TBC1D16: variants seen among roughly 807,000 people sequenced by gnomAD.
TBC1D16 encodes the protein CTD-2529O21.1.
In TBC1D16, 58 loss-of-function variants were observed where a neutral mutation model predicts 74.7. The ratio of observed to expected loss-of-function variants is 0.78; its 90% confidence interval spans 0.63 to 0.97. TBC1D16 has a LOEUF of 0.97. Among genes scored for constraint, TBC1D16 ranks in the 50% least tolerant of loss-of-function variants. The pLI, the probability that TBC1D16 is intolerant of heterozygous loss-of-function variation, is 0.00. For missense variants in TBC1D16, 1,014 were observed against 1,079.5 expected (o/e 0.94, Z 0.85); for synonymous variants, 493 against 474.7 (o/e 1.04, Z -0.50).
chr17:80,021,491 T>C (rs2036280282), intron 1 of TBC1D16, among the ~76,000 whole-genome samples: 1 of 149,804 alleles, frequency 6.7e-6, no homozygotes, highest in Non-Finnish European at 1.5e-5. Context: ...GAATTATCTG[T>C]TGGTGTGCTT....
At chr17:79,958,784 C>T (rs955559933) in intron 3 of TBC1D16, among the ~76,000 whole-genome samples, 2 of 152,196 alleles carry the variant, frequency 1.3e-5, no homozygotes, top group Non-Finnish European at 2.9e-5. Flanking sequence ...CCACCGTTAG[C>T]GTCATACTGA....
At position 79,952,654 on chromosome 17, in the gene TBC1D16, T is replaced by A; in HGVS notation, c.941+3A>T. On this transcript the variant is annotated splice_donor_region_variant and intron_variant, in intron 4 of 11. Transcript: ENST00000310924. Reference sequence around the variant, plus strand: ...CCAGGAGGCGCCCAGAGATGCTTCCTACCTGAAGAAAAGGCGGAGGGAGCG... The same window carrying A: ...CCAGGAGGCGCCCAGAGATGCTTCCAACCTGAAGAAAAGGCGGAGGGAGCG... 6.3e-7 allele frequency: 1 copy of A among 1,591,934 alleles called. No individual in the cohort carries two copies. Among genetic ancestry groups the A allele is most frequent in the African/African-American group, 1.3e-5 (1 of 74,682 alleles).
Position 80,013,491 on chromosome 17 carries a change from G to A in TBC1D16, c.57C>T (p.Thr19=). ...RASSKASDLL[T]LTPGGSGSGS... ...CGCTGCCGCTGCCACCGGGGGTGAGGGTCAGGAGGTCCGAGGCTTTGGAGG... is the reference window on the plus strand; with the variant it reads ...CGCTGCCGCTGCCACCGGGGGTGAGAGTCAGGAGGTCCGAGGCTTTGGAGG... The change falls in exon 2 of 12, where the codon ACC becomes ACT. Residue 19 remains threonine (T), a synonymous_variant. Transcript: ENST00000310924. 1.3e-6 allele frequency: 2 copies of A among 1,584,412 alleles called. No homozygotes were observed. The highest frequency in any genetic ancestry group is 1.2e-5 in the South Asian group (1 of 86,790).
At chr17:79,984,659 A>AGG (rs2034753765) in intron 3 of TBC1D16, among the ~76,000 whole-genome samples, 5 of 149,352 alleles carry the variant, frequency 3.3e-5, no homozygotes, top group African/African-American at 2.5e-5. Flanking sequence ...GAAGGAAGGA[A>AGG]AGGAGACAAA....
In TBC1D16 at chr17:79,945,023, C is replaced by T. The variant is rs1257886693; in HGVS notation, c.1793G>A (p.Gly598Asp). ...GAAGAGCATCTGCAGGCCGTCCTCG[C>T]CCAGCGAGACCAGGTGCTGGTAGAA... ...VRFYQHLVSL[G>D]EDGLQMLFCH... Residue 598 changes from glycine (G) to aspartate (D), a missense_variant, in exon 10 of 12, where the codon GGC becomes GAC. Gly to Asp is a moderately conservative substitution (Grantham distance 94). Transcript: ENST00000310924. The T allele has an allele frequency of 4.4e-6, 7 of 1,581,094 alleles. No homozygotes were observed. The highest frequency in any genetic ancestry group is 6.0e-6 in the Non-Finnish European group (7 of 1,164,646).
intron 3 of TBC1D16, among the ~76,000 whole-genome samples, chr17:79,966,894 G>C (rs1262711373): frequency 6.6e-6 from 1 of 152,066 alleles, no homozygotes; most frequent in East Asian, 1.9e-4. Flanking sequence ...TGCATGACTG[G>C]TTCAACATAT....
intron 2 of TBC1D16, among the ~76,000 whole-genome samples, chr17:80,012,125 C>G (rs760596200): frequency 3.9e-5 from 6 of 152,182 alleles, no homozygotes; most frequent in Non-Finnish European, 8.8e-5. Context: ...CTCTACAACT[C>G]AGACCCCTAG....
Position 79,941,002 on chromosome 17 carries a change from G to C in TBC1D16, c.2161C>G (p.Pro721Ala). 1 of 1,607,896 alleles carries C rather than the reference G, an allele frequency of 6.2e-7. No homozygotes were observed. Among genetic ancestry groups the C allele is most frequent in the East Asian group, 2.2e-5 (1 of 44,588 alleles). Residue 721 changes from proline to alanine, a missense_variant, in exon 12 of 12, where the codon CCC becomes GCC. Coordinates refer to ENST00000310924, the MANE Select transcript of TBC1D16 (RefSeq NM_019020.4). This position sits in a 1 kb window ranked among gnomAD's most constrained non-coding sequence, Gnocchi z 4.3. ...TGGTGGCCGGTGCACTCCACCGCGGGCATGGAGCCGCTGTCCCACATGCCT... is the reference window on the plus strand; with the variant it reads ...TGGTGGCCGGTGCACTCCACCGCGGCCATGGAGCCGCTGTCCCACATGCCT... ...GSGMWDSGSM[P>A]AVECTGHHPG...
At chr17:80,026,888 C>T (rs1325933980) in intron 1 of TBC1D16, among the ~76,000 whole-genome samples, 1 of 149,336 alleles carries the variant, frequency 6.7e-6, no homozygotes, top group Non-Finnish European at 1.5e-5. Context: ...TCCAGGTTCC[C>T]TTCTGCGGGC....
rs545490191 is a variant in TBC1D16 at position 79,952,414 on chromosome 17, G to T, written c.941+243C>A. Among the ~76,000 whole-genome samples, 47 of 152,354 alleles carry T rather than the reference G, an allele frequency of 3.1e-4. 1 individual carries two copies. The South Asian group carries it at 7.0e-3, about 23-fold the overall frequency. On this transcript the variant is annotated intron_variant, in intron 4 of 11. Coordinates refer to ENST00000310924, the MANE Select transcript of TBC1D16 (RefSeq NM_019020.4). Reference sequence around the variant, plus strand: ...AAGCCAGAGTTGCAAGCAACCGCTGGCTACCATCACGCTGAAGGTAGGGGA... The same window carrying T: ...AAGCCAGAGTTGCAAGCAACCGCTGTCTACCATCACGCTGAAGGTAGGGGA...
intron 10 of TBC1D16, among the ~76,000 whole-genome samples, chr17:79,943,605 G>A (rs1186574896): frequency 6.9e-6 from 1 of 145,332 alleles, no homozygotes. Context: ...TTGATCGAGG[G>A]ATGGGACCGA....
At chr17:79,964,830 C>T (rs945233215) in intron 3 of TBC1D16, among the ~76,000 whole-genome samples, 2 of 152,108 alleles carry the variant, frequency 1.3e-5, no homozygotes, top group African/African-American at 2.4e-5. Flanking sequence ...AATCCTCACA[C>T]TGTTATGCTG....
Position 79,951,474 on chromosome 17 carries a change from G to A in TBC1D16, c.1065C>T (p.Cys355=), listed in dbSNP as rs754257071. The A allele has an allele frequency of 1.2e-6, 2 of 1,613,902 alleles. No homozygotes were observed. The highest frequency in any genetic ancestry group is 1.7e-6 in the Non-Finnish European group (2 of 1,179,930). ...LSDVFQQWKY[C]TEMQLKDQQV... ...CCTGGTCTTTGAGCTGCATCTCGGTGCAGTATTTCCACTGCTGGAACACGT... is the reference window on the plus strand; with the variant it reads ...CCTGGTCTTTGAGCTGCATCTCGGTACAGTATTTCCACTGCTGGAACACGT... Residue 355 remains cysteine (C), a synonymous_variant, in exon 5 of 12, where the codon TGC becomes TGT. Transcript: ENST00000310924.
Position 79,949,646 on chromosome 17 carries a change from C to CA in TBC1D16, c.1406+70dup. ...ATATTATCAATGCTGAATTGCACCT[C>CA]AAATTGCCTTTTCAAATGACATTTT... On this transcript the variant is annotated intron_variant, in intron 7 of 11. Coordinates refer to ENST00000310924, the MANE Select transcript of TBC1D16 (RefSeq NM_019020.4). 4 of 1,550,562 alleles carry CA rather than the reference C, an allele frequency of 2.6e-6. No homozygotes were observed. In the South Asian group the frequency reaches 4.7e-5, roughly 18 times the overall value.
chr17:79,952,885 G>A, intron 3 of TBC1D16, 67 bp from the exon 4 acceptor site: 4 of 1,529,038 alleles, frequency 2.6e-6, no homozygotes, highest in Non-Finnish European at 3.5e-6. Context: ...AGGGGGACGG[G>A]GGTCATGGGG....
At position 79,971,506 on chromosome 17, in the gene TBC1D16, T is replaced by C. The variant is rs999782583; in HGVS notation, c.780-18688A>G. 2.6e-5 allele frequency among the ~76,000 whole-genome samples: 4 copies of C among 152,194 alleles called. No individual in the cohort carries two copies. The highest frequency in any genetic ancestry group is 9.7e-5 in the African/African-American group (4 of 41,448). Reference sequence around the variant, plus strand: ...CTGGTCAGCAGTTGAGTGACTCTTCTTCCAAAGTTCGTTCTGCAGGTTTAC... The same window carrying C: ...CTGGTCAGCAGTTGAGTGACTCTTCCTCCAAAGTTCGTTCTGCAGGTTTAC... On this transcript the variant is annotated intron_variant, in intron 3 of 11. Transcript: ENST00000310924. The surrounding 1 kb of genome is among the most constrained non-coding windows in gnomAD (Gnocchi z 4.6).
rs2033560938 is a variant in TBC1D16, at chr17:79,960,779, C to CAAAAAAAAAAAAAAACAA, written c.780-7962_780-7961insTTGTTTTTTTTTTTTTTT. On this transcript the variant is annotated intron_variant, in intron 3 of 11. Transcript: ENST00000310924. ...CAAAAAAACCCAAAAAACAAAAACC[C>CAAAAAAAAAAAAAAACAA]AAAAAAAAAAAAAAAAAAAAAAAAA... Among the ~76,000 whole-genome samples the CAAAAAAAAAAAAAAACAA allele has an allele frequency of 1.8e-4, 6 of 33,944 alleles. 1 individual carries two copies. The highest frequency in any genetic ancestry group is 2.2e-4 in the Non-Finnish European group (4 of 18,144). 22.3% of individuals were successfully genotyped at this position (33,944 alleles called of 152,430 possible). A position where few individuals can be genotyped will look rare whatever the true frequency, so the allele number is the denominator to read the frequency against.
At chr17:79,969,048 C>T (rs1175232352) in intron 3 of TBC1D16, among the ~76,000 whole-genome samples, 2 of 151,916 alleles carry the variant, frequency 1.3e-5, no homozygotes, top group African/African-American at 4.8e-5. Flanking sequence ...ATATAAATGG[C>T]CAATAAGCAC....
rs771999404 is a variant in TBC1D16, at chr17:80,010,607, G to A, written c.332C>T (p.Pro111Leu). The A allele has an allele frequency of 2.8e-5, 45 of 1,586,200 alleles. No individual in the cohort carries two copies. Among genetic ancestry groups the A allele is most frequent in the Admixed American group, 3.7e-5 (2 of 54,148 alleles). ...TGAGCTCCGGGTGCGCCGGCCCCGA[G>A]GGCGGGGTGCCTTGCGAACGGGGGA... ...ESSPVRKAPR[P>L]RGRRTRSSGA... is the part of the protein sequence containing the mutation. The change falls in exon 3 of 12, where the codon CCT becomes CTT. Residue 111 changes from proline to leucine, a missense_variant. Physicochemically the swap from Pro to Leu is moderately conservative, Grantham distance 98. Coordinates refer to ENST00000310924, the MANE Select transcript of TBC1D16 (RefSeq NM_019020.4). The surrounding 1 kb of genome is among the most constrained non-coding windows in gnomAD (Gnocchi z 8.8).
Sources: gnomAD v4.1 joint callset for allele counts (sites outside exome capture counted in the v4.1 genomes callset) on GRCh38, gnomAD v4.1.1 for gene constraint, Gnocchi (gnomAD v3.1) non-coding constraint, MANE v1.5 for transcripts, NCBI Gene and HGNC (gene_info 2026-07-23, HGNC 2026-07-21) for gene names.